The following CDH18 variants were observed in gnomAD, a reference collection of about 807,000 sequenced individuals.
The protein encoded by CDH18 is cadherin-18.
In CDH18, 31 loss-of-function variants were observed where a neutral mutation model predicts 67.9. The observed-to-expected ratio is 0.46, with a 90% CI of 0.34 to 0.62. CDH18 has a LOEUF of 0.62. Among genes scored for constraint, CDH18 ranks in the 20% least tolerant of loss-of-function variants. CDH18 has a pLI of 0.01. For missense variants in CDH18, 890 were observed against 975.5 expected (o/e 0.91, Z 1.17); for synonymous variants, 362 against 347.2 (o/e 1.04, Z -0.48).
At chr5:19,845,965 C>G (rs1467117041) in intron 2 of CDH18, among the ~76,000 whole-genome samples, 1 of 151,810 alleles carries the variant, frequency 6.6e-6, no homozygotes, top group Non-Finnish European at 1.5e-5. Flanking sequence ...CATTCAGCCA[C>G]TATTTTTTGA....
chr5:20,191,847 G>A (rs1373797390), intron 2 of CDH18, among the ~76,000 whole-genome samples: 1 of 152,134 alleles, frequency 6.6e-6, no homozygotes, highest in Admixed American at 6.6e-5. Context: ...ACAGTAGAAT[G>A]ATGTATATTC....
intron 1 of CDH18, among the ~76,000 whole-genome samples, chr5:20,432,114 T>C (rs1053252468): frequency 2.0e-5 from 3 of 152,282 alleles, no homozygotes; most frequent in Non-Finnish European, 4.4e-5. Context: ...GACAATATAC[T>C]GTTCTGAAAT....
chr5:20,343,291 C>A (rs1740421515), intron 1 of CDH18, among the ~76,000 whole-genome samples: 1 of 152,152 alleles, frequency 6.6e-6, no homozygotes, highest in Non-Finnish European at 1.5e-5. Context: ...TTCCTACATA[C>A]ATTATACAAA....
At chr5:20,407,327 C>T (rs1421801327) in intron 1 of CDH18, among the ~76,000 whole-genome samples, 1 of 152,108 alleles carries the variant, frequency 6.6e-6, no homozygotes, top group Non-Finnish European at 1.5e-5. Flanking sequence ...ATACTCTAGA[C>T]ACCTAGGGGC....
chr5:20,066,449 A>G (rs1352644776), intron 2 of CDH18, among the ~76,000 whole-genome samples: 1 of 152,050 alleles, frequency 6.6e-6, no homozygotes, highest in East Asian at 1.9e-4. Flanking sequence ...TTAGCATGTC[A>G]ACTTCTTTTT....
chr5:20,470,062 A>G (rs1373766561), intron 1 of CDH18, among the ~76,000 whole-genome samples: 1 of 151,902 alleles, frequency 6.6e-6, no homozygotes, highest in Non-Finnish European at 1.5e-5. Context: ...TGGCAGCTCA[A>G]CTTCCTGACT....
At chr5:20,092,119 A>C (rs1745491614) in intron 2 of CDH18, among the ~76,000 whole-genome samples, 1 of 152,186 alleles carries the variant, frequency 6.6e-6, no homozygotes, top group African/African-American at 2.4e-5. Context: ...ACAGTGTAAA[A>C]TACCTCAGAA....
chr5:20,251,716 T>C (rs1159245905), intron 2 of CDH18, among the ~76,000 whole-genome samples: 1 of 152,152 alleles, frequency 6.6e-6, no homozygotes, highest in East Asian at 1.9e-4. Flanking sequence ...GATTGTAATT[T>C]GGTTTATATT....
chr5:20,377,393 AATC>A (rs1238075592), intron 1 of CDH18, among the ~76,000 whole-genome samples: 1 of 152,190 alleles, frequency 6.6e-6, no homozygotes, highest in Admixed American at 6.5e-5. Flanking sequence ...GTTTCAAGAG[AATC>A]ATCATTGTTT....
At chr5:19,531,432 G>A (rs7734519) in intron 9 of CDH18, among the ~76,000 whole-genome samples, 12,989 of 151,994 alleles carry the variant, frequency 0.085, 754 homozygotes, top group African/African-American at 0.14. Flanking sequence ...TTAGAATGAC[G>A]GGGAAAAATA....
At chr5:19,950,914 C>A (rs1218595900) in intron 2 of CDH18, among the ~76,000 whole-genome samples, 1 of 152,154 alleles carries the variant, frequency 6.6e-6, no homozygotes, top group Non-Finnish European at 1.5e-5. Context: ...AAAACCTTAT[C>A]AACAGGAACC....
At chr5:20,563,868 T>C (rs956584460) in intron 1 of CDH18, among the ~76,000 whole-genome samples, 5 of 152,150 alleles carry the variant, frequency 3.3e-5, no homozygotes, top group African/African-American at 1.2e-4. Flanking sequence ...AATGGCGCTC[T>C]GATCTTGAGG....
chr5:20,173,401 TGAG>T (rs1488891512), intron 2 of CDH18, among the ~76,000 whole-genome samples: 1 of 152,144 alleles, frequency 6.6e-6, no homozygotes, highest in East Asian at 1.9e-4. Flanking sequence ...GAAGACCTCC[TGAG>T]AAGAGCTTTC....
At chr5:20,393,063 A>G (rs1278817177) in intron 1 of CDH18, among the ~76,000 whole-genome samples, 1 of 152,050 alleles carries the variant, frequency 6.6e-6, no homozygotes, top group East Asian at 1.9e-4. Flanking sequence ...TTGGAAACAC[A>G]TACACAAATA....
intron 2 of CDH18, among the ~76,000 whole-genome samples, chr5:20,138,712 C>T (rs1396664658): frequency 6.6e-6 from 1 of 152,120 alleles, no homozygotes; most frequent in African/African-American, 2.4e-5. Context: ...CTCCCATTCA[C>T]AATTGCTTCA....
At chr5:19,978,290 A>C (rs540925172) in intron 2 of CDH18, among the ~76,000 whole-genome samples, 1 of 152,212 alleles carries the variant, frequency 6.6e-6, no homozygotes, top group Non-Finnish European at 1.5e-5. Flanking sequence ...TTTTTGAGGC[A>C]ACTAGCATCC....
chr5:19,777,153 G>T (rs895789531), intron 3 of CDH18, among the ~76,000 whole-genome samples: 2 of 152,148 alleles, frequency 1.3e-5, no homozygotes, highest in African/African-American at 4.8e-5. Flanking sequence ...GATGGCACAT[G>T]CCTGTAATCC....
intron 2 of CDH18, among the ~76,000 whole-genome samples, chr5:20,128,375 GA>G (rs980971230): frequency 2.0e-5 from 3 of 152,144 alleles, no homozygotes; most frequent in Admixed American, 6.5e-5. Context: ...TATCAGAAAA[GA>G]AATATACATG....
chr5:20,156,924 G>A (rs1481065990), intron 2 of CDH18, among the ~76,000 whole-genome samples: 3 of 152,148 alleles, frequency 2.0e-5, no homozygotes, highest in Admixed American at 1.3e-4. Flanking sequence ...TGATATAGTA[G>A]TCCCCCCTTA....
Sources: allele counts gnomAD v4.1 joint callset (sites outside exome capture counted in the v4.1 genomes callset), GRCh38; gene constraint gnomAD v4.1.1; transcripts MANE v1.5; gene names NCBI Gene and HGNC (gene_info 2026-07-23, HGNC 2026-07-21).